Variants in FAM83H observed in about 807,000 individuals in gnomAD.
The protein encoded by FAM83H is scaffolding CK1 anchoring protein H.
FAM83H carries 24 observed loss-of-function variants against 30.2 expected under a neutral mutation model. The ratio of observed to expected loss-of-function variants is 0.79; its 90% CI spans 0.57 to 1.12. The LOEUF (loss-of-function observed/expected upper bound fraction) is 1.12. Ranked by LOEUF, FAM83H falls within the 50% of genes most tolerant of loss-of-function variation. The pLI is 0.00. For synonymous variants in FAM83H, 1,013 were observed against 821.7 expected (o/e 1.23, Z -3.98); for missense variants, 2,038 against 1,773.9 (o/e 1.15, Z -2.67).
chr8:143,729,123 C>G (rs782416383), intron 3 of FAM83H, 32 bp from the exon 4 acceptor site: 1 of 1,613,496 alleles, frequency 6.2e-7, no homozygotes, highest in Non-Finnish European at 8.5e-7. Context: ...ATCTCTCCCA[C>G]GGGTCCTCCC....
At position 143,724,316 on chromosome 8, in the gene FAM83H, C is replaced by T. The variant is rs1468421531; in HGVS notation, c.*1605G>A. 6.6e-6 allele frequency: 1 copy of T among 152,052 alleles called. No homozygotes were observed. The highest frequency in any genetic ancestry group is 1.5e-5 in the Non-Finnish European group (1 of 68,000). 9.4% of individuals were successfully genotyped at this position (152,052 alleles called of 1,614,324 possible). On this transcript the variant is annotated 3_prime_UTR_variant, in exon 5 of 5. Coordinates refer to ENST00000388913, the MANE Select transcript of FAM83H (RefSeq NM_198488.5). ...GGAACTGCTGCCTTTGTTTGGCGGC[C>T]TTGTTTCTTAAATCAGTTCCCTCTT... is the stretch of plus-strand genomic sequence containing the variant.
Position 143,728,362 on chromosome 8 carries a change from G to C in FAM83H, c.1099C>G (p.Leu367Val), listed in dbSNP as rs552184180. 2 of 1,542,648 alleles carry C rather than the reference G, an allele frequency of 1.3e-6. No individual in the cohort carries two copies. Among genetic ancestry groups the C allele is most frequent in the Middle Eastern group, 2.0e-4 (1 of 5,044 alleles). Reference protein sequence around the residue: ...EEPPRMPGGALEPHAGLRPLS... With the variant: ...EEPPRMPGGAVEPHAGLRPLS... ...GGCCGCAGCCCCGCGTGCGGTTCCAGCGCGCCCCCCGGCATCCGCGGCGGC... is the reference window on the plus strand; with the variant it reads ...GGCCGCAGCCCCGCGTGCGGTTCCACCGCGCCCCCCGGCATCCGCGGCGGC... The change falls in exon 5 of 5, where the codon CTG becomes GTG. Residue 367 changes from leucine to valine, a missense_variant. By Grantham distance (32) the Leu-to-Val change is conservative. Coordinates refer to ENST00000388913, the MANE Select transcript of FAM83H (RefSeq NM_198488.5).
At chr8:143,729,473 G>A (rs2129685564) in intron 2 of FAM83H, 150 bp from the exon 3 acceptor site, 3 of 856,662 alleles carry the variant, frequency 3.5e-6, no homozygotes, top group East Asian at 2.6e-5. Context: ...CCACATCTGG[G>A]AAGATGGGCA....
chr8:143,728,381 C>T lies in FAM83H; in HGVS notation c.1080G>A (p.Pro360=), dbSNP rs1818389930. 1.3e-6 allele frequency: 2 copies of T among 1,545,616 alleles called. No individual in the cohort carries two copies. Among genetic ancestry groups the T allele is most frequent in the South Asian group, 1.2e-5 (1 of 83,900 alleles). ...GTTCCAGCGCGCCCCCCGGCATCCG[C>T]GGCGGCTCCTCCCGGCGGAAGGCCG... ...FLSAFRREEP[P]RMPGGALEPH... Residue 360 remains proline, a synonymous_variant, in exon 5 of 5, where the codon CCG becomes CCA. Transcript: ENST00000388913.
At position 143,730,737 on chromosome 8, in the gene FAM83H, G is replaced by C. The variant is rs782673410; in HGVS notation, c.-15-140C>G. On this transcript the variant is annotated intron_variant, in intron 1 of 4. Coordinates refer to ENST00000388913, the MANE Select transcript of FAM83H (RefSeq NM_198488.5). ...GCCCATGCCCAGGAGGCCTTCCAGG[G>C]CACCAGCCGAACCAGGCTCACAGAG... is the stretch of plus-strand genomic sequence containing the variant. 4.6e-6 allele frequency: 3 copies of C among 655,252 alleles called. No homozygotes were observed. In the Admixed American group the frequency reaches 9.6e-5, roughly 21 times the overall value. The allele number at this position is 655,252 out of a possible 1,614,324, so 40.6% of individuals were successfully genotyped here. A position where few individuals can be genotyped will look rare whatever the true frequency, so the allele number is the denominator to read the frequency against.
rs1330672367 is a variant in FAM83H, at chr8:143,728,022, C to G, written c.1439G>C (p.Arg480Pro). 1 of 1,603,308 alleles carries G rather than the reference C, an allele frequency of 6.2e-7. No individual in the cohort carries two copies. The change falls in exon 5 of 5, where the codon CGC becomes CCC. Residue 480 changes from arginine to proline, a missense_variant. Arg to Pro is a moderately radical substitution (Grantham distance 103). Coordinates refer to ENST00000388913, the MANE Select transcript of FAM83H (RefSeq NM_198488.5). Reference sequence around the variant, plus strand: ...GTCATCCGGGTCCGCGAAACCCGCGCGGCCCCCGCGAAGCTTCTCGAACAG... The same window carrying G: ...GTCATCCGGGTCCGCGAAACCCGCGGGGCCCCCGCGAAGCTTCTCGAACAG... Reference protein sequence around the residue: ...QGLFEKLRGGRAGFADPDDFT... With the variant: ...QGLFEKLRGGPAGFADPDDFT...
In FAM83H at chr8:143,725,834, A is replaced by G. The variant is rs1818267712; in HGVS notation, c.*87T>C. 1.9e-6 allele frequency: 3 copies of G among 1,565,566 alleles called. No homozygotes were observed. Among genetic ancestry groups the G allele is most frequent in the African/African-American group, 2.7e-5 (2 of 74,114 alleles). ...GGCCTGACAGCCGCTGCTCAAGCAGATGAGCAGGGCTCTCTGTTCCGCGGG... is the reference window on the plus strand; with the variant it reads ...GGCCTGACAGCCGCTGCTCAAGCAGGTGAGCAGGGCTCTCTGTTCCGCGGG... On this transcript the variant is annotated 3_prime_UTR_variant, in exon 5 of 5. Transcript: ENST00000388913.
rs1563756399 is a variant in FAM83H at position 143,725,892 on chromosome 8, C to A, written c.*29G>T. ...GATGACCGGGGCAGCGATGCGGGCA[C>A]CCTGGCCTGGGTTGCCAGGCCAGAA... On this transcript the variant is annotated 3_prime_UTR_variant, in exon 5 of 5. Coordinates refer to ENST00000388913, the MANE Select transcript of FAM83H (RefSeq NM_198488.5). 1 of 1,610,266 alleles carries A rather than the reference C, an allele frequency of 6.2e-7. No individual in the cohort carries two copies. The highest frequency in any genetic ancestry group is 2.2e-5 in the East Asian group (1 of 44,844).
In FAM83H at chr8:143,726,207, G is replaced by A; in HGVS notation, c.3254C>T (p.Ser1085Phe). 1 of 1,612,322 alleles carries A rather than the reference G, an allele frequency of 6.2e-7. No homozygotes were observed. Among genetic ancestry groups the A allele is most frequent in the Non-Finnish European group, 8.5e-7 (1 of 1,179,732 alleles). The change falls in exon 5 of 5, where the codon TCC becomes TTC. Residue 1085 changes from serine to phenylalanine, a missense_variant. Transcript: ENST00000388913. The stretch of plus-strand genomic sequence containing the variant: ...GATGGCTGAACACTTGTCCTTGTCG[G>A]ACATATCTGGGGCCAGGACGCCAGC... The part of the protein sequence containing the change: ...PAAGVLAPDM[S>F]DKDKCSAIFR...
In FAM83H at chr8:143,726,161, C is replaced by T. The variant is rs982038738; in HGVS notation, c.3300G>A (p.Gly1100=). 6.2e-7 allele frequency: 1 copy of T among 1,611,908 alleles called. No individual in the cohort carries two copies. ...GCGTGCGGCTCAGCCGGCCCTGGGT[C>T]CCCAAGCTGTCCGAGCGGAAGATGG... The part of the protein sequence containing the change: ...CSAIFRSDSL[G]TQGRLSRTLP... The change falls in exon 5 of 5, where the codon GGG becomes GGA. Residue 1100 remains glycine, a synonymous_variant. Transcript: ENST00000388913.
chr8:143,730,485 T>A lies in FAM83H; in HGVS notation c.98A>T (p.Asp33Val). The change falls in exon 2 of 5, where the codon GAT becomes GTT. Residue 33 changes from aspartate to valine, a missense_variant. Asp to Val is a radical substitution (Grantham distance 152, BLOSUM62 -3). Transcript: ENST00000388913. ...HYKEYYRLAV[D>V]ALAEGGSEAY... ...CTCCGAGCCACCCTCGGCCAGTGCA[T>A]CCACCGCCAGGCGGTAGTACTCTTT... 6.2e-7 allele frequency: 1 copy of A among 1,608,394 alleles called. No individual in the cohort carries two copies.
Position 143,726,789 on chromosome 8 carries a change from C to T in FAM83H, c.2672G>A (p.Gly891Glu), listed in dbSNP as rs1554622070. The change falls in exon 5 of 5, where the codon GGA (glycine) becomes GAA (glutamate). Residue 891 changes from glycine to glutamate, a missense_variant. Physicochemically the swap from Gly to Glu is moderately conservative, Grantham distance 98. Coordinates refer to ENST00000388913, the MANE Select transcript of FAM83H (RefSeq NM_198488.5). ...SPTPGFSTRRGSPTTGFIEQK... is the reference protein window; with the variant it reads ...SPTPGFSTRRESPTTGFIEQK... ...CTCGATAAATCCTGTAGTTGGACTT[C>T]CTCTTCGAGTGGAAAACCCAGGCGT... 4 of 1,612,378 alleles carry T rather than the reference C, an allele frequency of 2.5e-6. No individual in the cohort carries two copies. The highest frequency in any genetic ancestry group is 3.3e-4 in the Middle Eastern group (2 of 6,060).
chr8:143,728,057 G>C lies in FAM83H; in HGVS notation c.1404C>G (p.Arg468=). Residue 468 remains arginine (R), a synonymous_variant, in exon 5 of 5, where the codon CGC becomes CGG. Transcript: ENST00000388913. ...YQWDPQLTPA[R]PQGLFEKLRG... is the part of the protein sequence containing the mutation. ...GAAGCTTCTCGAACAGGCCTTGCGG[G>C]CGCGCCGGCGTGAGCTGCGGGTCCC... 1.2e-6 allele frequency: 2 copies of C among 1,609,816 alleles called. No individual in the cohort carries two copies. The highest frequency in any genetic ancestry group is 1.7e-6 in the Non-Finnish European group (2 of 1,179,272).
chr8:143,732,704 G>A (rs1394412001), intron 1 of FAM83H: 10 of 985,238 alleles, frequency 1.0e-5, no homozygotes, highest in South Asian at 4.7e-5. Context: ...TCATGGGTAC[G>A]TGTCTCCTGG....
rs782101912 is a variant in FAM83H at position 143,725,965 on chromosome 8, T to G, written c.3496A>C (p.Lys1166Gln). The G allele has an allele frequency of 1.2e-6, 2 of 1,613,018 alleles. No individual in the cohort carries two copies. The highest frequency in any genetic ancestry group is 4.5e-5 in the East Asian group (2 of 44,860). ...GTGCCCAGGATCTTGGGCACGAACT[T>G]GCCCACCTTGCTGTCCCTGGTGCCC... Reference protein sequence around the residue: ...EEGTRDSKVGKFVPKILGTFK... With the variant: ...EEGTRDSKVGQFVPKILGTFK... Residue 1166 changes from lysine to glutamine, a missense_variant, in exon 5 of 5, where the codon AAG becomes CAG. Lys to Gln is a moderately conservative substitution (Grantham distance 53). Transcript: ENST00000388913.
chr8:143,728,729 G>T lies in FAM83H; in HGVS notation c.738-6C>A. The T allele has an allele frequency of 1.3e-6, 2 of 1,598,864 alleles. No homozygotes were observed. Among genetic ancestry groups the T allele is most frequent in the South Asian group, 1.1e-5 (1 of 91,090 alleles). On this transcript the variant is annotated splice_region_variant and splice_polypyrimidine_tract_variant and intron_variant, in intron 4 of 4. Transcript: ENST00000388913. ...TCTCAAAGGACCACATGAAGCTGTG[G>T]GGGGGTCAGGGCCAGAGTCAAACCG...
intron 1 of FAM83H, chr8:143,731,194 A>G (rs1818507863): frequency 9.6e-6 from 2 of 208,910 alleles, no homozygotes; most frequent in Non-Finnish European, 1.6e-5. Context: ...TATAATATTC[A>G]CTTTTTTCTT....
chr8:143,732,686 G>C (rs563124941), intron 1 of FAM83H: 6 of 985,324 alleles, frequency 6.1e-6, no homozygotes, highest in East Asian at 1.1e-4. Context: ...TCCTCACGTC[G>C]TCTCCTTTCA....
At chr8:143,732,331 G>T (rs1818552658) in intron 1 of FAM83H, 1 of 985,432 alleles carries the variant, frequency 1.0e-6, no homozygotes, top group Non-Finnish European at 1.2e-6. Context: ...CGCTCTGGTT[G>T]TGCCAGGGGC....
Sources: gnomAD v4.1 joint callset for allele counts on GRCh38, gnomAD v4.1.1 for gene constraint, MANE v1.5 for transcripts, NCBI Gene and HGNC (gene_info 2026-07-23, HGNC 2026-07-21) for gene names.